Variants in GRB10 observed in about 807,000 individuals in gnomAD.
The protein encoded by GRB10 is growth factor receptor-bound protein 10.
In GRB10, 20 loss-of-function variants were observed where a neutral mutation model predicts 80.9. The observed-to-expected ratio is 0.25, with a 90% CI of 0.17 to 0.36. The LOEUF is 0.36. Ranked by LOEUF, GRB10 falls within the 10% of genes least tolerant of loss-of-function variation. The probability of loss-of-function intolerance (pLI) is 1.00; values close to 1 mark genes in which losing one functional copy is unlikely to be tolerated. For missense variants in GRB10, 548 were observed against 747.7 expected (o/e 0.73, Z 3.12); for synonymous variants, 291 against 291.5 (o/e 1.00, Z 0.02).
At chr7:50,683,608 G>A (rs1280326461) in intron 5 of GRB10, among the ~76,000 whole-genome samples, 1 of 152,040 alleles carries the variant, frequency 6.6e-6, no homozygotes, top group Non-Finnish European at 1.5e-5. Context: ...GTGGTGGTGT[G>A]CACCTGTAAT....
intron 4 of GRB10, among the ~76,000 whole-genome samples, chr7:50,721,223 T>G (rs1028750673): frequency 3.3e-5 from 5 of 152,344 alleles, no homozygotes; most frequent in Admixed American, 3.3e-4. Context: ...AAATATTAAA[T>G]GGACAATTCC....
chr7:50,605,872 A>G (rs2048430531), intron 14 of GRB10, among the ~76,000 whole-genome samples: 1 of 152,184 alleles, frequency 6.6e-6, no homozygotes, highest in Non-Finnish European at 1.5e-5. Flanking sequence ...CTGTATTTTG[A>G]GAAGATGAAG....
chr7:50,732,354 A>C lies in GRB10; in HGVS notation c.-32T>G. 2 of 1,599,420 alleles carry C rather than the reference A, an allele frequency of 1.3e-6. No homozygotes were observed. Among genetic ancestry groups the C allele is most frequent in the Non-Finnish European group, 1.7e-6 (2 of 1,166,598 alleles). On this transcript the variant is annotated 5_prime_UTR_variant, in exon 4 of 19. Coordinates refer to ENST00000401949, the MANE Select transcript of GRB10 (RefSeq NM_001350814.2). The stretch of plus-strand genomic sequence containing the variant: ...CTTCTGCCTTCTTCAAATTACATTT[A>C]CTGCGCTGCAGCACCTGGAATAAAG...
intron 3 of GRB10, among the ~76,000 whole-genome samples, chr7:50,740,190 C>T (rs2071466304): frequency 6.6e-6 from 1 of 152,252 alleles, no homozygotes; most frequent in Non-Finnish European, 1.5e-5. Context: ...CCCCCACTTG[C>T]CAGTCACTCA....
rs1305513693 is a variant in GRB10 at position 50,775,174 on chromosome 7, C to CA, written c.-217+5452dup. Reference sequence around the variant, plus strand: ...AGATCCTGTCTCCAAAAAAAAAAAACAAAAAAAAACAGTGGAACAGACAAA... The same window carrying CA: ...AGATCCTGTCTCCAAAAAAAAAAAACAAAAAAAAAACAGTGGAACAGACAAA... On this transcript the variant is annotated intron_variant, in intron 2 of 18. Coordinates refer to ENST00000401949, the MANE Select transcript of GRB10 (RefSeq NM_001350814.2). Among the ~76,000 whole-genome samples, 380 of 71,434 alleles carry CA rather than the reference C, an allele frequency of 5.3e-3. 36 individuals carry two copies. Among genetic ancestry groups the CA allele is most frequent in the African/African-American group, 0.018 (365 of 20,724 alleles). The allele number at this position is 71,434 out of a possible 152,430, so 46.9% of individuals were successfully genotyped here.
At chr7:50,715,364 A>G (rs913826315) in intron 4 of GRB10, among the ~76,000 whole-genome samples, 22 of 152,190 alleles carry the variant, frequency 1.4e-4, no homozygotes, top group African/African-American at 5.1e-4. Context: ...AAAAATGAAT[A>G]AACAGCACAG....
At chr7:50,723,241 T>C (rs2153686369) in intron 4 of GRB10, among the ~76,000 whole-genome samples, 1 of 152,268 alleles carries the variant, frequency 6.6e-6, no homozygotes, top group East Asian at 1.9e-4. Context: ...TCCAACTCTG[T>C]GTCCACAGAC....
chr7:50,601,129 G>A (rs1293573772), intron 17 of GRB10, among the ~76,000 whole-genome samples: 1 of 152,252 alleles, frequency 6.6e-6, no homozygotes, highest in Non-Finnish European at 1.5e-5. Flanking sequence ...GCGCAGCGCA[G>A]TACTTGCAGC....
At position 50,669,639 on chromosome 7, in the gene GRB10, A is replaced by G; in HGVS notation, c.504+83T>C. ...CCCAGGACTTCCCGCCCTTCTTCCC[A>G]AAGTAATAATCTGGCACATCTGTGC... On this transcript the variant is annotated intron_variant, in intron 7 of 18. Coordinates refer to ENST00000401949, the MANE Select transcript of GRB10 (RefSeq NM_001350814.2). 4 of 1,370,678 alleles carry G rather than the reference A, an allele frequency of 2.9e-6. No homozygotes were observed. The South Asian group carries it at 3.5e-5, about 12-fold the overall frequency. 84.9% of individuals were successfully genotyped at this position (1,370,678 alleles called of 1,614,324 possible).
At chr7:50,639,651 C>T (rs1194228564) in intron 7 of GRB10, among the ~76,000 whole-genome samples, 11 of 149,558 alleles carry the variant, frequency 7.4e-5, no homozygotes, top group African/African-American at 2.5e-4. Flanking sequence ...CCAGCTTGGG[C>T]GACCAGAGCA....
chr7:50,703,787 C>G (rs1481251031), intron 5 of GRB10, 34 bp downstream of exon 5: 1 of 1,478,302 alleles, frequency 6.8e-7, no homozygotes, highest in East Asian at 2.3e-5. Flanking sequence ...AAAGCTAGAA[C>G]TGGGAGTGTT....
chr7:50,749,134 G>GTTTTGT (rs2073661218), intron 3 of GRB10, among the ~76,000 whole-genome samples: 1 of 137,906 alleles, frequency 7.3e-6, no homozygotes, highest in African/African-American at 2.6e-5. Context: ...TTTTTTGTTT[G>GTTTTGT]TTTTTTTTTT....
chr7:50,620,717 G>A (rs914796116), intron 8 of GRB10, among the ~76,000 whole-genome samples: 4 of 152,140 alleles, frequency 2.6e-5, no homozygotes, highest in Non-Finnish European at 4.4e-5. Flanking sequence ...GAACCAATAC[G>A]TGGCCCTCAT....
chr7:50,785,675 CCCT>C (rs1268657563), upstream of GRB10, among the ~76,000 whole-genome samples: 1 of 152,262 alleles, frequency 6.6e-6, no homozygotes, highest in African/African-American at 2.4e-5. Flanking sequence ...CACCCAGGTT[CCCT>C]CCTTCCAGCC....
intron 13 of GRB10, among the ~76,000 whole-genome samples, chr7:50,612,257 T>C (rs1431340128): frequency 6.6e-6 from 1 of 152,204 alleles, no homozygotes; most frequent in Non-Finnish European, 1.5e-5. Flanking sequence ...CATGTACTAT[T>C]TCCTTTCTCC....
At chr7:50,694,815 T>C (rs2063244059) in intron 5 of GRB10, among the ~76,000 whole-genome samples, 1 of 152,210 alleles carries the variant, frequency 6.6e-6, no homozygotes. Context: ...TTTTTTTCCA[T>C]TGTAAGAATA....
chr7:50,641,775 C>T (rs557613271), intron 7 of GRB10, among the ~76,000 whole-genome samples: 1 of 152,338 alleles, frequency 6.6e-6, no homozygotes, highest in East Asian at 1.9e-4. Context: ...CAGCTGGTGA[C>T]ACTGGCGAGA....
At position 50,751,170 on chromosome 7, in the gene GRB10, A is replaced by C. The variant is rs527808841; in HGVS notation, c.-47+4717T>G. 1.7e-4 allele frequency among the ~76,000 whole-genome samples: 26 copies of C among 152,308 alleles called. No homozygotes were observed. The East Asian group carries it at 4.8e-3, about 28-fold the overall frequency. The stretch of plus-strand genomic sequence containing the variant: ...ACCCCTCTGTATCAGGCCAGAGCTC[A>C]GACTCCAGGTAGACCCACAGCCATG... On this transcript the variant is annotated intron_variant, in intron 3 of 18. Coordinates refer to ENST00000401949, the MANE Select transcript of GRB10 (RefSeq NM_001350814.2).
In GRB10 at chr7:50,680,931, C is replaced by T. The variant is rs563059461; in HGVS notation, c.140-6273G>A. Among the ~76,000 whole-genome samples the T allele has an allele frequency of 2.6e-5, 4 of 152,224 alleles. No individual in the cohort carries two copies. The East Asian group carries it at 7.7e-4, about 29-fold the overall frequency. ...TACCTTGAAACTCCATCCAGACCCT[C>T]CTCCAAGAAGATCCCAATATGACTT... On this transcript the variant is annotated intron_variant, in intron 5 of 18. Transcript: ENST00000401949.
Sources: allele counts gnomAD v4.1 joint callset (sites outside exome capture counted in the v4.1 genomes callset), GRCh38; gene constraint gnomAD v4.1.1; transcripts MANE v1.5; gene names NCBI Gene and HGNC (gene_info 2026-07-23, HGNC 2026-07-21).